Variants in TSPAN14 observed in about 807,000 individuals in gnomAD.
TSPAN14 encodes tetraspanin-14.
In TSPAN14, 16 loss-of-function variants were observed where a neutral mutation model predicts 36.6. The observed-to-expected ratio is 0.44, with a 90% confidence interval of 0.30 to 0.66. The LOEUF (loss-of-function observed/expected upper bound fraction) is 0.66, where lower values mean the gene tolerates loss of function less well. Among genes scored for constraint, TSPAN14 ranks in the 30% least tolerant of loss-of-function variants. TSPAN14 has a pLI of 0.12. For missense variants in TSPAN14, 231 were observed against 355.1 expected (o/e 0.65, Z 2.81); for synonymous variants, 139 against 143.8 (o/e 0.97, Z 0.24).
intron 1 of TSPAN14, among the ~76,000 whole-genome samples, chr10:80,476,409 G>GTTTTTTTTTTTT (rs60589813): frequency 7.1e-5 from 6 of 85,046 alleles, no homozygotes; most frequent in African/African-American, 1.7e-4. Flanking sequence ...TTGTTTTACT[G>GTTTTTTTTTTTT]TTTTTTTTTT....
intron 2 of TSPAN14, 43 bp downstream of exon 2, chr10:80,489,357 AT>A: frequency 7.8e-7 from 1 of 1,274,372 alleles, no homozygotes; most frequent in South Asian, 1.3e-5. Flanking sequence ...TTAGTCCTTC[AT>A]TCAGTAAATT....
intron 4 of TSPAN14, 81 bp downstream of exon 4, chr10:80,507,455 C>A: frequency 6.3e-7 from 1 of 1,589,630 alleles, no homozygotes. Flanking sequence ...GTTACCTGGT[C>A]AGAGCAGGTG....
chr10:80,461,657 C>T (rs1280834072), intron 1 of TSPAN14, among the ~76,000 whole-genome samples: 2 of 151,864 alleles, frequency 1.3e-5, no homozygotes, highest in Admixed American at 6.6e-5. Context: ...CCCTGACGCT[C>T]CCCTCCATGG....
chr10:80,483,596 G>C (rs1847412105), intron 1 of TSPAN14, among the ~76,000 whole-genome samples: 1 of 151,958 alleles, frequency 6.6e-6, no homozygotes, highest in African/African-American at 2.4e-5. Context: ...AATAGTGGTG[G>C]CAATTTTGTT....
rs144408602 is a variant in TSPAN14 at position 80,494,841 on chromosome 10, AT to A, written c.81+5530del. Reference sequence around the variant, plus strand: ...ATGTCCCTTTTTCTCTTCAGGTAGTATTTAATCAACTTTTGTAATTTCGTGG... The same window carrying A: ...ATGTCCCTTTTTCTCTTCAGGTAGTATTAATCAACTTTTGTAATTTCGTGG... On this transcript the variant is annotated intron_variant, in intron 2 of 8. Coordinates refer to ENST00000429989, the Ensembl canonical transcript of TSPAN14. Among the ~76,000 whole-genome samples the A allele has an allele frequency of 9.0e-3, 1,367 of 152,290 alleles. 20 individuals carry two copies. Among genetic ancestry groups the A allele is most frequent in the African/African-American group, 0.031 (1,303 of 41,548 alleles).
intron 2 of TSPAN14, among the ~76,000 whole-genome samples, chr10:80,497,884 T>A (rs1355269436): frequency 6.6e-6 from 1 of 152,190 alleles, no homozygotes; most frequent in African/African-American, 2.4e-5. Flanking sequence ...AGAACCACCC[T>A]TCCGGCAGGA....
chr10:80,458,790 A>G (rs775960590), intron 1 of TSPAN14, among the ~76,000 whole-genome samples: 1 of 152,154 alleles, frequency 6.6e-6, no homozygotes, highest in Non-Finnish European at 1.5e-5. Context: ...TAGACAGGGC[A>G]AGTAGCCATT....
Position 80,509,797 on chromosome 10 carries a change from C to G in TSPAN14, c.450+326C>G, listed in dbSNP as rs1840517119. Reference sequence around the variant, plus strand: ...CCCAATAGCCATACCAGCTGCAATCCTCCTTAGGCGCTGCATACCGTAAGG... The same window carrying G: ...CCCAATAGCCATACCAGCTGCAATCGTCCTTAGGCGCTGCATACCGTAAGG... On this transcript the variant is annotated intron_variant, in intron 5 of 8. Transcript: ENST00000429989. This position sits in a 1 kb window ranked among gnomAD's most constrained non-coding sequence, Gnocchi z 4.7. The G allele has an allele frequency of 3.4e-6, 1 of 295,392 alleles. No homozygotes were observed. Among genetic ancestry groups the G allele is most frequent in the African/African-American group, 2.2e-5 (1 of 46,210 alleles). The allele number at this position is 295,392 out of a possible 1,614,324, so 18.3% of individuals were successfully genotyped here.
At chr10:80,479,630 C>A (rs931246282) in intron 1 of TSPAN14, among the ~76,000 whole-genome samples, 16 of 152,292 alleles carry the variant, frequency 1.1e-4, no homozygotes, top group African/African-American at 3.8e-4. Context: ...TCTGAGGCCT[C>A]TGTTCTGTTC....
chr10:80,461,897 G>A (rs1038552328), intron 1 of TSPAN14, among the ~76,000 whole-genome samples: 1 of 150,306 alleles, frequency 6.7e-6, no homozygotes, highest in African/African-American at 2.5e-5. Flanking sequence ...TCTCACTGTT[G>A]TGAGATCTCA....
At chr10:80,487,716 G>A (rs921007910) in intron 1 of TSPAN14, among the ~76,000 whole-genome samples, 1 of 151,314 alleles carries the variant, frequency 6.6e-6, no homozygotes, top group Non-Finnish European at 1.5e-5. Context: ...TTTTATGGAT[G>A]TGCTCTTGTG....
intron 4 of TSPAN14, among the ~76,000 whole-genome samples, chr10:80,508,668 G>A (rs1255179270): frequency 6.6e-6 from 1 of 152,108 alleles, no homozygotes; most frequent in Non-Finnish European, 1.5e-5. Context: ...ATGCAGAGTT[G>A]GTACAGATAA....
At position 80,511,711 on chromosome 10, in the gene TSPAN14, CCTCT is replaced by C. The variant is rs56307745; in HGVS notation, c.451-375_451-372del. The stretch of plus-strand genomic sequence containing the variant: ...TCTTTAACACATCAAAAGGGCAGGT[CCTCT>C]CTCTCTCTCTCTCTCTCTCTCTCTC... On this transcript the variant is annotated intron_variant, in intron 5 of 8. Transcript: ENST00000429989. Among the ~76,000 whole-genome samples, 244 of 25,736 alleles carry C rather than the reference CCTCT, an allele frequency of 9.5e-3. 7 individuals are homozygous for C. Among genetic ancestry groups the C allele is most frequent in the Middle Eastern group, 0.045 (2 of 44 alleles). The allele number at this position is 25,736 out of a possible 152,430, so 16.9% of individuals were successfully genotyped here. A position where few individuals can be genotyped will look rare whatever the true frequency, so the allele number is the denominator to read the frequency against.
chr10:80,517,001 C>G (rs990453686), intron 8 of TSPAN14, among the ~76,000 whole-genome samples: 33 of 152,168 alleles, frequency 2.2e-4, no homozygotes, highest in Non-Finnish European at 2.9e-5. Context: ...CAGAGAAAGT[C>G]AAGAATTCAG....
intron 1 of TSPAN14, among the ~76,000 whole-genome samples, chr10:80,487,742 TA>T (rs924308148): frequency 2.7e-5 from 4 of 148,040 alleles, no homozygotes; most frequent in Non-Finnish European, 6.0e-5. Flanking sequence ...GGGGCGGTGG[TA>T]GGGGGGAGGT....
chr10:80,482,507 C>G (rs1847335788), intron 1 of TSPAN14, among the ~76,000 whole-genome samples: 1 of 150,548 alleles, frequency 6.6e-6, no homozygotes, highest in African/African-American at 2.5e-5. Flanking sequence ...AGGCTGGTCT[C>G]AAACTCCTGA....
At chr10:80,516,308 C>T in exon 8 of TSPAN14, 1 of 1,614,280 alleles carries the variant, frequency 6.2e-7, no homozygotes, top group Non-Finnish European at 8.5e-7. Flanking sequence ...TCTTCATCGC[C>T]ATCTCGCTGT....
chr10:80,499,012 C>T (rs1848349129), intron 2 of TSPAN14, among the ~76,000 whole-genome samples: 1 of 152,244 alleles, frequency 6.6e-6, no homozygotes. Flanking sequence ...AGAGCATCGC[C>T]TGCTGCTGGT....
intron 4 of TSPAN14, 84 bp downstream of exon 4, chr10:80,507,458 A>T (rs937883209): frequency 6.3e-7 from 1 of 1,577,270 alleles, no homozygotes; most frequent in African/African-American, 1.3e-5. Flanking sequence ...ACCTGGTCAG[A>T]GCAGGTGGCA....
Sources: gnomAD v4.1 joint callset for allele counts (sites outside exome capture counted in the v4.1 genomes callset) on GRCh38, gnomAD v4.1.1 for gene constraint, Gnocchi (gnomAD v3.1) non-coding constraint, MANE v1.5 for transcripts, NCBI Gene and HGNC (gene_info 2026-07-23, HGNC 2026-07-21) for gene names.